KCNT2: variants seen among roughly 807,000 people sequenced by gnomAD.
KCNT2 encodes the protein potassium channel subfamily T member 2.
In KCNT2, 67 loss-of-function variants were observed where a neutral mutation model predicts 153.8. The ratio of observed to expected loss-of-function variants is 0.44; its 90% CI spans 0.36 to 0.53. The LOEUF is 0.53. KCNT2 is among the 20% of genes least tolerant of loss of function. The pLI, the probability that KCNT2 is intolerant of heterozygous loss-of-function variation, is 0.00. For missense variants in KCNT2, 975 were observed against 1,354.8 expected (o/e 0.72, Z 4.40); for synonymous variants, 500 against 458.8 (o/e 1.09, Z -1.15).
intron 1 of KCNT2, among the ~76,000 whole-genome samples, chr1:196,533,293 A>C (rs969034113): frequency 6.6e-6 from 1 of 152,096 alleles, no homozygotes. Context: ...TTAGGACTGC[A>C]TATGTAAGAA....
intron 14 of KCNT2, among the ~76,000 whole-genome samples, chr1:196,351,279 A>T (rs1031677685): frequency 6.6e-6 from 1 of 152,126 alleles, no homozygotes; most frequent in Admixed American, 6.6e-5. Flanking sequence ...CATTGAATCT[A>T]TAAATTACCT....
At chr1:196,340,623 G>T in intron 15 of KCNT2, 53 bp from the exon 16 acceptor site, 1 of 1,084,724 alleles carries the variant, frequency 9.2e-7, no homozygotes, top group Non-Finnish European at 1.3e-6. Context: ...TTATTGTAAG[G>T]CTGAGGAAAA....
chr1:196,428,659 C>T (rs1309669343), intron 9 of KCNT2, among the ~76,000 whole-genome samples: 2 of 152,012 alleles, frequency 1.3e-5, no homozygotes, highest in African/African-American at 2.4e-5. Flanking sequence ...ACACACAAGG[C>T]CACATTCTAG....
At chr1:196,243,096 C>A in intron 26 of KCNT2, among the ~76,000 whole-genome samples, 1 of 152,142 alleles carries the variant, frequency 6.6e-6, no homozygotes, top group East Asian at 1.9e-4. Flanking sequence ...CAACTTCTAG[C>A]AATCACTGAT....
Position 196,305,142 on chromosome 1 carries a change from ACT to A in KCNT2, c.2595+90_2595+91del, listed in dbSNP as rs1410545254. The stretch of plus-strand genomic sequence containing the variant: ...AAATTCAAAACAGCATTTTAGTTTT[ACT>A]ATCTCATGGCATTTTTTTTATATAT... On this transcript the variant is annotated intron_variant, in intron 22 of 27. Transcript: ENST00000294725. The A allele has an allele frequency of 2.7e-5, 20 of 742,546 alleles. No homozygotes were observed. The African/African-American group carries it at 3.4e-4, about 13-fold the overall frequency. 46.0% of individuals were successfully genotyped at this position (742,546 alleles called of 1,614,324 possible). A position where few individuals can be genotyped will look rare whatever the true frequency, so the allele number is the denominator to read the frequency against.
rs563651148 is a variant in KCNT2, at chr1:196,448,705, G to A, written c.638+16588C>T. On this transcript the variant is annotated intron_variant, in intron 8 of 27. Transcript: ENST00000294725. ...GTTTATATAATATTCTTCTTTCTCC[G>A]TTTGACAAATGAGTAGATTGAGGCT... Among the ~76,000 whole-genome samples the A allele has an allele frequency of 5.3e-5, 8 of 151,322 alleles. No individual in the cohort carries two copies. The South Asian group carries it at 8.3e-4, about 16-fold the overall frequency.
intron 1 of KCNT2, among the ~76,000 whole-genome samples, chr1:196,599,238 A>G (rs1374166008): frequency 1.3e-5 from 2 of 152,240 alleles, no homozygotes; most frequent in Non-Finnish European, 2.9e-5. Flanking sequence ...CTAGTTGTTT[A>G]TAATATGTGG....
At chr1:196,285,438 A>G (rs145958754) in intron 23 of KCNT2, among the ~76,000 whole-genome samples, 1,622 of 152,290 alleles carry the variant, frequency 0.011, 11 homozygotes, top group Admixed American at 0.017. Context: ...AATGCCTGAA[A>G]TAATTTCCAT....
chr1:196,339,520 CAGAGAGAGAGAGAG>C lies in KCNT2; in HGVS notation c.1783+807_1783+820del, dbSNP rs5779831. Among the ~76,000 whole-genome samples, 5 of 138,016 alleles carry C rather than the reference CAGAGAGAGAGAGAG, an allele frequency of 3.6e-5. No homozygotes were observed. The South Asian group carries it at 6.9e-4, about 19-fold the overall frequency. The allele number at this position is 138,016 out of a possible 152,430, so 90.5% of individuals were successfully genotyped here. On this transcript the variant is annotated intron_variant, in intron 16 of 27. Transcript: ENST00000294725. ...AGATATGAAGAGACACACACACACACAGAGAGAGAGAGAGAGAGAGAGAGAGAGAGAGACAGAGA... is the reference window on the plus strand; with the variant it reads ...AGATATGAAGAGACACACACACACACAGAGAGAGAGAGAGAGAGACAGAGA...
At chr1:196,585,242 T>C (rs1662530585) in intron 1 of KCNT2, among the ~76,000 whole-genome samples, 1 of 151,846 alleles carries the variant, frequency 6.6e-6, no homozygotes. Flanking sequence ...GATCAGAAAA[T>C]TAAAAACTAG....
At chr1:196,597,746 G>T (rs957714022) in intron 1 of KCNT2, among the ~76,000 whole-genome samples, 2 of 152,036 alleles carry the variant, frequency 1.3e-5, no homozygotes, top group African/African-American at 2.4e-5. Flanking sequence ...TCCTAACTTG[G>T]TTTTTTCCTT....
intron 8 of KCNT2, among the ~76,000 whole-genome samples, chr1:196,432,335 T>C (rs983058964): frequency 6.6e-6 from 1 of 152,054 alleles, no homozygotes; most frequent in Admixed American, 6.6e-5. Flanking sequence ...ACTAGAGCAA[T>C]GCCTGGTGGA....
chr1:196,484,995 C>A (rs1679309636), intron 3 of KCNT2, among the ~76,000 whole-genome samples: 1 of 151,982 alleles, frequency 6.6e-6, no homozygotes, highest in African/African-American at 2.4e-5. Context: ...GACACAAGCA[C>A]ACTTATATTT....
intron 1 of KCNT2, among the ~76,000 whole-genome samples, chr1:196,546,380 A>C (rs147176621): frequency 5.7e-4 from 87 of 152,170 alleles, no homozygotes; most frequent in Non-Finnish European, 1.1e-3. Context: ...TGAAAGATGG[A>C]GTGTAATTAG....
At chr1:196,547,750 A>G (rs747084301) in intron 1 of KCNT2, among the ~76,000 whole-genome samples, 1 of 151,782 alleles carries the variant, frequency 6.6e-6, no homozygotes, top group Non-Finnish European at 1.5e-5. Context: ...CCTTATTTAT[A>G]TTTTTCTGTA....
In KCNT2 at chr1:196,425,854, T is replaced by G; in HGVS notation, c.1119A>C (p.Ala373=). 1 of 1,611,886 alleles carries G rather than the reference T, an allele frequency of 6.2e-7. No homozygotes were observed. Among genetic ancestry groups the G allele is most frequent in the Non-Finnish European group, 8.5e-7 (1 of 1,178,666 alleles). ...SALKDQDLLR[A]KMDDAEACFI... is the part of the protein sequence containing the mutation. ...AGATGAAAGGCAGGGATACCTACTT[T>G]GCTCTCAATAGGTCTTGATCTTTAA... is the stretch of plus-strand genomic sequence containing the variant. The change falls in exon 11 of 28, where the codon GCA becomes GCC. Residue 373 remains alanine (A), a splice_region_variant and synonymous_variant. Coordinates refer to ENST00000294725, the MANE Select transcript of KCNT2 (RefSeq NM_198503.5).
At chr1:196,596,770 C>T (rs796558295) in intron 1 of KCNT2, among the ~76,000 whole-genome samples, 97 of 152,192 alleles carry the variant, frequency 6.4e-4, no homozygotes, top group African/African-American at 2.1e-3. Flanking sequence ...CATGTGATCA[C>T]GTTTCACCGC....
At position 196,313,178 on chromosome 1, in the gene KCNT2, G is replaced by C. The variant is rs185549626; in HGVS notation, c.2483+2714C>G. 9.9e-5 allele frequency among the ~76,000 whole-genome samples: 15 copies of C among 151,774 alleles called. No individual in the cohort carries two copies. The East Asian group carries it at 2.9e-3, about 30-fold the overall frequency. On this transcript the variant is annotated intron_variant, in intron 21 of 27. Transcript: ENST00000294725. Reference sequence around the variant, plus strand: ...CTCAGGTGACTAGGGTAAGTAAAAAGGTAGTAGGATCGGTGGATGACAGGT... The same window carrying C: ...CTCAGGTGACTAGGGTAAGTAAAAACGTAGTAGGATCGGTGGATGACAGGT...
At chr1:196,383,110 T>C (rs1669648219) in intron 13 of KCNT2, among the ~76,000 whole-genome samples, 1 of 151,816 alleles carries the variant, frequency 6.6e-6, no homozygotes, top group Non-Finnish European at 1.5e-5. Flanking sequence ...AGAGAAGAAA[T>C]GGAACTGAGG....
Sources: allele counts gnomAD v4.1 joint callset (sites outside exome capture counted in the v4.1 genomes callset), GRCh38; gene constraint gnomAD v4.1.1; transcripts MANE v1.5; gene names NCBI Gene and HGNC (gene_info 2026-07-23, HGNC 2026-07-21).